UBE2H: variants seen among roughly 807,000 people sequenced by gnomAD.
The protein encoded by UBE2H is ubiquitin-conjugating enzyme E2 H.
UBE2H carries 3 observed loss-of-function variants against 29.0 expected under a neutral mutation model. That is an observed-to-expected ratio of 0.10 (90% CI 0.05 to 0.27). UBE2H has a LOEUF of 0.27. Among genes scored for constraint, UBE2H ranks in the 10% least tolerant of loss-of-function variants. The pLI, the probability that UBE2H is intolerant of heterozygous loss-of-function variation, is 1.00. For synonymous variants in UBE2H, 69 were observed against 82.9 expected (o/e 0.83, Z 0.91); for missense variants, 68 against 228.2 (o/e 0.30, Z 4.52).
In UBE2H at chr7:129,952,788, C is replaced by T. The variant is rs1383586761; in HGVS notation, c.-233G>A. The T allele has an allele frequency of 3.3e-5, 11 of 333,834 alleles. No individual in the cohort carries two copies. The highest frequency in any genetic ancestry group is 5.3e-6 in the Non-Finnish European group (1 of 187,950). The allele number at this position is 333,834 out of a possible 1,614,324, so 20.7% of individuals were successfully genotyped here. Reference sequence around the variant, plus strand: ...CCCGGCTCGGGCTGCCCCTCTCCGGCTGTGGTTCCGCCGCGGCCCTGCCCC... The same window carrying T: ...CCCGGCTCGGGCTGCCCCTCTCCGGTTGTGGTTCCGCCGCGGCCCTGCCCC... On this transcript the variant is annotated 5_prime_UTR_variant, in exon 1 of 7. Transcript: ENST00000355621.
chr7:129,897,075 C>T (rs1437308654), intron 1 of UBE2H, among the ~76,000 whole-genome samples: 1 of 152,156 alleles, frequency 6.6e-6, no homozygotes, highest in Non-Finnish European at 1.5e-5. Flanking sequence ...ACATTCAGCG[C>T]ACCCCAAAGT....
At chr7:129,925,251 C>T (rs555450656) in intron 1 of UBE2H, among the ~76,000 whole-genome samples, 5 of 151,652 alleles carry the variant, frequency 3.3e-5, no homozygotes, top group East Asian at 1.9e-4. Flanking sequence ...GGGAGGCTGA[C>T]GAAGAGAATT....
At chr7:129,928,327 G>C (rs1408334150) in intron 1 of UBE2H, among the ~76,000 whole-genome samples, 2 of 152,132 alleles carry the variant, frequency 1.3e-5, no homozygotes, top group African/African-American at 4.8e-5. Flanking sequence ...TTATGGCCAG[G>C]CACGGTGGCT....
intron 5 of UBE2H, among the ~76,000 whole-genome samples, chr7:129,852,383 C>T (rs542219608): frequency 6.6e-5 from 10 of 151,936 alleles, no homozygotes; most frequent in Admixed American, 4.6e-4. Context: ...AGGAGAATGG[C>T]GTGAACCCGG....
chr7:129,888,438 A>G (rs1490151792), intron 1 of UBE2H, among the ~76,000 whole-genome samples: 2 of 151,658 alleles, frequency 1.3e-5, no homozygotes, highest in Non-Finnish European at 2.9e-5. Flanking sequence ...GATTGTTTTG[A>G]GCCCAGGAGT....
chr7:129,949,762 T>A (rs548581780), intron 1 of UBE2H, among the ~76,000 whole-genome samples: 6 of 152,072 alleles, frequency 3.9e-5, no homozygotes, highest in Non-Finnish European at 8.8e-5. Flanking sequence ...ACCCCCACAC[T>A]GCTACTTTCC....
chr7:129,879,678 T>A (rs750577306), intron 2 of UBE2H, 36 bp from the exon 3 acceptor site: 6 of 1,541,968 alleles, frequency 3.9e-6, no homozygotes, highest in East Asian at 4.5e-5. Context: ...CAGAACTACA[T>A]CTCCAAATTA....
chr7:129,864,320 C>T (rs1180707614), intron 3 of UBE2H, among the ~76,000 whole-genome samples: 3 of 152,142 alleles, frequency 2.0e-5, no homozygotes, highest in African/African-American at 7.2e-5. Context: ...TGAGTTGGCC[C>T]TGGCATGTTC....
chr7:129,838,634 G>A (rs1367085802), intron 6 of UBE2H, among the ~76,000 whole-genome samples: 3 of 152,094 alleles, frequency 2.0e-5, no homozygotes, highest in Non-Finnish European at 4.4e-5. Flanking sequence ...CCCAGGTGGA[G>A]CTTTAGATTT....
At chr7:129,892,575 G>A (rs1199601192) in intron 1 of UBE2H, among the ~76,000 whole-genome samples, 1 of 151,998 alleles carries the variant, frequency 6.6e-6, no homozygotes, top group Non-Finnish European at 1.5e-5. Context: ...CTTGATGCTG[G>A]GTCATCATTA....
At chr7:129,851,983 T>C (rs1053173614) in intron 5 of UBE2H, among the ~76,000 whole-genome samples, 3 of 152,212 alleles carry the variant, frequency 2.0e-5, no homozygotes, top group African/African-American at 7.2e-5. Context: ...CTGGACAGAA[T>C]TGCTCTACTT....
At chr7:129,937,441 T>A (rs1041157598) in intron 1 of UBE2H, among the ~76,000 whole-genome samples, 6 of 152,232 alleles carry the variant, frequency 3.9e-5, no homozygotes, top group African/African-American at 1.4e-4. Context: ...TTATATGTTA[T>A]ATATAAAACT....
intron 1 of UBE2H, among the ~76,000 whole-genome samples, chr7:129,897,943 T>G (rs1806632341): frequency 6.7e-6 from 1 of 148,764 alleles, no homozygotes; most frequent in African/African-American, 2.5e-5. Flanking sequence ...CTGCCTGTAT[T>G]TATTATCTTT....
intron 1 of UBE2H, among the ~76,000 whole-genome samples, chr7:129,911,280 A>G (rs1806931059): frequency 6.6e-6 from 1 of 151,964 alleles, no homozygotes; most frequent in African/African-American, 2.4e-5. Flanking sequence ...AGGCAGGAGA[A>G]TTGCTTGAAC....
intron 5 of UBE2H, among the ~76,000 whole-genome samples, chr7:129,851,422 C>T (rs1293254932): frequency 1.3e-5 from 2 of 152,094 alleles, no homozygotes; most frequent in African/African-American, 4.8e-5. Flanking sequence ...TACTAAAACT[C>T]GCTATTCAAG....
Position 129,951,865 on chromosome 7 carries a change from G to C in UBE2H, c.53+638C>G, listed in dbSNP as rs546882715. On this transcript the variant is annotated intron_variant, in intron 1 of 6. Transcript: ENST00000355621. ...TCACATACAACTATGGGTGGGACAG[G>C]CTTTGTCAGTGGAAAGGAAAACAGT... Among the ~76,000 whole-genome samples, 9 of 152,272 alleles carry C rather than the reference G, an allele frequency of 5.9e-5. No homozygotes were observed. In the South Asian group the frequency reaches 1.7e-3, roughly 28 times the overall value.
At chr7:129,919,100 T>TAAAAAAAAAAAAAAAAAAAAAAA (rs1204331286) in intron 1 of UBE2H, among the ~76,000 whole-genome samples, 3 of 72,170 alleles carry the variant, frequency 4.2e-5, no homozygotes, top group Admixed American at 1.7e-4. Flanking sequence ...AAAAACAAAG[T>TAAAAAAAAAAAAAAAAAAAAAAA]AAAAAAAAAA....
At chr7:129,945,325 GATCT>G (rs543643645) in intron 1 of UBE2H, among the ~76,000 whole-genome samples, 206 of 152,288 alleles carry the variant, frequency 1.4e-3, no homozygotes, top group Middle Eastern at 0.01. Flanking sequence ...GTTCCTGTTA[GATCT>G]ATCTGCTCAT....
intron 1 of UBE2H, among the ~76,000 whole-genome samples, chr7:129,922,957 A>G (rs766936528): frequency 8.6e-5 from 13 of 151,930 alleles, no homozygotes; most frequent in Non-Finnish European, 1.6e-4. Flanking sequence ...GTTGGAGTGC[A>G]GTGGCATGAT....
Sources: allele counts gnomAD v4.1 joint callset (sites outside exome capture counted in the v4.1 genomes callset), GRCh38; gene constraint gnomAD v4.1.1; transcripts MANE v1.5; gene names NCBI Gene and HGNC (gene_info 2026-07-23, HGNC 2026-07-21).